Variants in EMID1 observed in about 807,000 individuals in gnomAD.
EMID1 encodes the protein EMI domain-containing protein 1.
A neutral mutation model predicts 60.6 loss-of-function variants in EMID1; 40 were observed. The observed-to-expected ratio is 0.66, with a 90% CI of 0.51 to 0.86. The LOEUF (loss-of-function observed/expected upper bound fraction) is 0.86. Among genes scored for constraint, EMID1 ranks in the 40% least tolerant of loss-of-function variants. The pLI, the probability that EMID1 is intolerant of heterozygous loss-of-function variation, is 0.00. For synonymous variants in EMID1, 242 were observed against 231.0 expected (o/e 1.05, Z -0.43); for missense variants, 585 against 597.1 (o/e 0.98, Z 0.21).
rs2040924343 is a variant in EMID1 at position 29,235,755 on chromosome 22, G to C, written c.1074+1406G>C. ...CTTTCTAAAATTAATTTTCTTTCTAGAATTAAAGCTTTCTAGAATTTAAGC... is the reference window on the plus strand; with the variant it reads ...CTTTCTAAAATTAATTTTCTTTCTACAATTAAAGCTTTCTAGAATTTAAGC... On this transcript the variant is annotated intron_variant, in intron 12 of 14. Transcript: ENST00000334018. Among the ~76,000 whole-genome samples the C allele has an allele frequency of 4.0e-5, 5 of 124,484 alleles. No individual in the cohort carries two copies. In the Admixed American group the frequency reaches 4.1e-4, roughly 10 times the overall value. 81.7% of individuals were successfully genotyped at this position (124,484 alleles called of 152,430 possible).
At chr22:29,236,465 G>A (rs183404109) in intron 12 of EMID1, among the ~76,000 whole-genome samples, 2 of 151,902 alleles carry the variant, frequency 1.3e-5, no homozygotes, top group Admixed American at 6.6e-5. Context: ...TGGAGGCAGG[G>A]GGATCACCTG....
At position 29,231,080 on chromosome 22, in the gene EMID1, C is replaced by A; in HGVS notation, c.526C>A (p.Pro176Thr). The A allele has an allele frequency of 6.2e-7, 1 of 1,613,934 alleles. No homozygotes were observed. Among genetic ancestry groups the A allele is most frequent in the Non-Finnish European group, 8.5e-7 (1 of 1,179,900 alleles). Residue 176 changes from proline to threonine, a missense_variant, in exon 6 of 15, where the codon CCT becomes ACT. Coordinates refer to ENST00000334018, the MANE Select transcript of EMID1 (RefSeq NM_133455.4). ...TCCAACACCAGCTACCCCTGAGGAC[C>A]CTGCCCCGCTCTGGGGTCCCCCTCC... ...VPPTPATPEDPAPLWGPPPAQ... is the reference protein window; with the variant it reads ...VPPTPATPEDTAPLWGPPPAQ...
chr22:29,259,008 T>G lies in EMID1; in HGVS notation c.*64T>G. 2 of 1,563,100 alleles carry G rather than the reference T, an allele frequency of 1.3e-6. No individual in the cohort carries two copies. Among genetic ancestry groups the G allele is most frequent in the South Asian group, 1.2e-5 (1 of 85,886 alleles). On this transcript the variant is annotated 3_prime_UTR_variant, in exon 15 of 15. Coordinates refer to ENST00000334018, the MANE Select transcript of EMID1 (RefSeq NM_133455.4). ...CCCCTCCTACCTGGACTCGGCCAGCTGCCTCCAGGGACCGCCCGTCCATAT... is the reference window on the plus strand; with the variant it reads ...CCCCTCCTACCTGGACTCGGCCAGCGGCCTCCAGGGACCGCCCGTCCATAT...
chr22:29,233,574 T>C (rs777136813), intron 9 of EMID1, 40 bp from the exon 10 acceptor site: 5 of 1,610,698 alleles, frequency 3.1e-6, no homozygotes, highest in Non-Finnish European at 1.7e-6. Flanking sequence ...CCTGAGATTG[T>C]ACTTTGTTCC....
In EMID1 at chr22:29,216,321, A is replaced by G. The variant is rs532162414; in HGVS notation, c.319+691A>G. 2.6e-5 allele frequency: 26 copies of G among 985,402 alleles called. No homozygotes were observed. In the East Asian group the frequency reaches 2.4e-3, roughly 90 times the overall value. 61.0% of individuals were successfully genotyped at this position (985,402 alleles called of 1,614,324 possible). ...CCTGCAGAACCCTCTCCTCTCCTCC[A>G]GGCACCTGCCCCTCTGCTGAGCAGC... is the stretch of plus-strand genomic sequence containing the variant. On this transcript the variant is annotated intron_variant, in intron 3 of 14. Coordinates refer to ENST00000334018, the MANE Select transcript of EMID1 (RefSeq NM_133455.4).
At chr22:29,225,907 G>T (rs908758745) in intron 4 of EMID1, among the ~76,000 whole-genome samples, 1 of 152,202 alleles carries the variant, frequency 6.6e-6, no homozygotes, top group Non-Finnish European at 1.5e-5. Flanking sequence ...GCGGCCGGGG[G>T]AGCGGTGCTG....
intron 5 of EMID1, among the ~76,000 whole-genome samples, chr22:29,230,265 G>A (rs775782367): frequency 3.9e-5 from 6 of 151,912 alleles, no homozygotes; most frequent in Non-Finnish European, 8.8e-5. Flanking sequence ...CCCGGGAGGC[G>A]GAGGTTGCAG....
At chr22:29,231,183 G>C in intron 6 of EMID1, 43 bp downstream of exon 6, 1 of 1,546,402 alleles carries the variant, frequency 6.5e-7, no homozygotes. Context: ...TGAGCAGTGG[G>C]TTGGGAATCG....
Position 29,234,164 on chromosome 22 carries a change from G to A in EMID1, c.994G>A (p.Gly332Arg). 3 of 1,600,352 alleles carry A rather than the reference G, an allele frequency of 1.9e-6. No homozygotes were observed. Among genetic ancestry groups the A allele is most frequent in the Non-Finnish European group, 2.6e-6 (3 of 1,173,080 alleles). Residue 332 changes from glycine to arginine, a missense_variant, in exon 11 of 15, where the codon GGA becomes AGA. By Grantham distance (125) the Gly-to-Arg change is moderately radical. Coordinates refer to ENST00000334018, the MANE Select transcript of EMID1 (RefSeq NM_133455.4). Reference sequence around the variant, plus strand: ...ACCCCCAGGCCCCACTGGACCCAAAGGAATCTCTGGCCACCCAGGAGAGAA... The same window carrying A: ...ACCCCCAGGCCCCACTGGACCCAAAAGAATCTCTGGCCACCCAGGAGAGAA... ...IGPPGPTGPK[G>R]ISGHPGEKGE...
rs368245924 is a variant in EMID1, at chr22:29,215,395, G to A, written c.216-132G>A. The A allele has an allele frequency of 6.7e-5, 86 of 1,274,088 alleles. 1 individual carries two copies. The South Asian group carries it at 1.1e-3, about 17-fold the overall frequency. The allele number at this position is 1,274,088 out of a possible 1,614,324, so 78.9% of individuals were successfully genotyped here. A position where few individuals can be genotyped will look rare whatever the true frequency, so the allele number is the denominator to read the frequency against. On this transcript the variant is annotated intron_variant, in intron 2 of 14. Transcript: ENST00000334018. Reference sequence around the variant, plus strand: ...AAGGGCTGAATCCCAAAATGCAGGAGAGAGCCTCCAAAGGGACCTGGAGGC... The same window carrying A: ...AAGGGCTGAATCCCAAAATGCAGGAAAGAGCCTCCAAAGGGACCTGGAGGC...
At position 29,206,017 on chromosome 22, in the gene EMID1, C is replaced by G. The variant is rs1447776390; in HGVS notation, c.-22C>G. On this transcript the variant is annotated 5_prime_UTR_variant, in exon 1 of 15. Coordinates refer to ENST00000334018, the MANE Select transcript of EMID1 (RefSeq NM_133455.4). ...GGGGCGGCGACCGCGAGGGGCCGCGCGCGGAGGGCGCCTGGTGCAGCATGG... is the reference window on the plus strand; with the variant it reads ...GGGGCGGCGACCGCGAGGGGCCGCGGGCGGAGGGCGCCTGGTGCAGCATGG... 1 of 1,209,050 alleles carries G rather than the reference C, an allele frequency of 8.3e-7. No homozygotes were observed. Among genetic ancestry groups the G allele is most frequent in the African/African-American group, 1.6e-5 (1 of 63,374 alleles). 74.9% of individuals were successfully genotyped at this position (1,209,050 alleles called of 1,614,324 possible).
rs2040456829 is a variant in EMID1 at position 29,225,192 on chromosome 22, G to T, written c.379G>T (p.Ala127Ser). ...MWSGSTMRRM[A>S]LRPTAFSGCL... is the part of the protein sequence containing the mutation. ...GTCGGGCAGTACCATGCGGCGGATG[G>T]CGCTTCGGCCCACAGCCTTCTCAGG... Residue 127 changes from alanine to serine, a missense_variant, in exon 4 of 15, where the codon GCG becomes TCG. Ala to Ser is a moderately conservative substitution (Grantham distance 99, BLOSUM62 1). Coordinates refer to ENST00000334018, the MANE Select transcript of EMID1 (RefSeq NM_133455.4). The T allele has an allele frequency of 1.2e-6, 2 of 1,613,892 alleles. No individual in the cohort carries two copies. Among genetic ancestry groups the T allele is most frequent in the South Asian group, 2.2e-5 (2 of 91,088 alleles).
intron 2 of EMID1, 167 bp from the exon 3 acceptor site, chr22:29,215,360 G>A (rs543134934): frequency 3.3e-6 from 3 of 895,788 alleles, no homozygotes; most frequent in African/African-American, 1.8e-5. Context: ...GCAAGGTGGT[G>A]GGGGGATGGA....
chr22:29,227,728 CAAATT>C (rs1012598389), intron 5 of EMID1, among the ~76,000 whole-genome samples: 6 of 92,620 alleles, frequency 6.5e-5, no homozygotes, highest in South Asian at 3.4e-4. Context: ...AAAAAAAAAA[CAAATT>C]AGGCCAGGCG....
chr22:29,206,657 A>G (rs1442883041), intron 1 of EMID1, among the ~76,000 whole-genome samples: 1 of 152,180 alleles, frequency 6.6e-6, no homozygotes, highest in Non-Finnish European at 1.5e-5. Flanking sequence ...CATTTTGGAC[A>G]GAGAAAAGAG....
chr22:29,232,305 C>T lies in EMID1; in HGVS notation c.726C>T (p.Thr242=), dbSNP rs1173130346. 1.2e-6 allele frequency: 2 copies of T among 1,611,150 alleles called. No homozygotes were observed. ...CTGGCCGGGCTGGAGCTGTGGGCAC[C>T]CCTGGAGAGAGGGGACCTCCTGGGC... ...GSPGRAGAVG[T]PGERGPPGPP... Residue 242 remains threonine, a synonymous_variant, in exon 8 of 15, where the codon ACC becomes ACT. Transcript: ENST00000334018.
At chr22:29,256,547 C>T (rs1425529484) in intron 14 of EMID1, among the ~76,000 whole-genome samples, 2 of 151,722 alleles carry the variant, frequency 1.3e-5, no homozygotes, top group Non-Finnish European at 2.9e-5. Context: ...CTCCTTCATC[C>T]AGCAAAACTG....
chr22:29,208,648 C>A (rs979823355), intron 1 of EMID1, among the ~76,000 whole-genome samples: 1 of 152,196 alleles, frequency 6.6e-6, no homozygotes, highest in African/African-American at 2.4e-5. Context: ...CTGATGCCCA[C>A]AGGGGTGACC....
At chr22:29,240,279 A>G (rs372246188) in intron 12 of EMID1, among the ~76,000 whole-genome samples, 7 of 152,190 alleles carry the variant, frequency 4.6e-5, no homozygotes, top group East Asian at 1.9e-4. Context: ...TCATGTGGAA[A>G]CTAGAGGGAG....
Sources: allele counts gnomAD v4.1 joint callset (sites outside exome capture counted in the v4.1 genomes callset), GRCh38; gene constraint gnomAD v4.1.1; transcripts MANE v1.5; gene names NCBI Gene and HGNC (gene_info 2026-07-23, HGNC 2026-07-21).